GDF6: variants seen among roughly 807,000 people sequenced by gnomAD.
The protein encoded by GDF6 is growth/differentiation factor 6.
A neutral mutation model predicts 32.4 loss-of-function variants in GDF6; 3 were observed. That is an observed-to-expected ratio of 0.09 (90% CI 0.04 to 0.24). The LOEUF is 0.24. GDF6 is among the 10% of genes least tolerant of loss of function. The pLI is 1.00. For missense variants in GDF6, 589 were observed against 637.9 expected (o/e 0.92, Z 0.83); for synonymous variants, 296 against 295.3 (o/e 1.00, Z -0.03).
Position 96,160,747 on chromosome 8 carries a change from C to T in GDF6, c.-55G>A. On this transcript the variant is annotated 5_prime_UTR_variant, in exon 1 of 2. Transcript: ENST00000287020. The stretch of plus-strand genomic sequence containing the variant: ...GGCGGTGGCGGCGGCGCAGGACGCG[C>T]GGGGCACGGAGCGGCTGGACAGCGG... 1 of 1,585,180 alleles carries T rather than the reference C, an allele frequency of 6.3e-7. No individual in the cohort carries two copies. The highest frequency in any genetic ancestry group is 8.6e-7 in the Non-Finnish European group (1 of 1,158,734).
In GDF6 at chr8:96,142,637, G is replaced by A. The variant is rs1045336893; in HGVS notation, c.*1926C>T. 8 of 152,566 alleles carry A rather than the reference G, an allele frequency of 5.2e-5. No individual in the cohort carries two copies. Among genetic ancestry groups the A allele is most frequent in the African/African-American group, 1.7e-4 (7 of 41,426 alleles). 9.5% of individuals were successfully genotyped at this position (152,566 alleles called of 1,614,324 possible). A position where few individuals can be genotyped will look rare whatever the true frequency, so the allele number is the denominator to read the frequency against. ...ATTATAACATTTGAGTGCATATAAC[G>A]TTTTGTACATTAGGATGAATTGCAT... On this transcript the variant is annotated 3_prime_UTR_variant, in exon 2 of 2. Coordinates refer to ENST00000287020, the MANE Select transcript of GDF6 (RefSeq NM_001001557.4).
chr8:96,147,047 C>T (rs1812497287), intron 1 of GDF6, among the ~76,000 whole-genome samples: 1 of 152,190 alleles, frequency 6.6e-6, no homozygotes, highest in Non-Finnish European at 1.5e-5. Flanking sequence ...AGCCCCCAGC[C>T]TTCCCCAGAA....
intron 1 of GDF6, among the ~76,000 whole-genome samples, chr8:96,154,301 C>T (rs1193145220): frequency 6.6e-6 from 1 of 152,122 alleles, no homozygotes; most frequent in Non-Finnish European, 1.5e-5. Context: ...GAACGTTGTC[C>T]AGCGCCGCCC....
rs781155701 is a variant in GDF6 at position 96,145,122 on chromosome 8, C to T, written c.809G>A (p.Arg270Gln). The T allele has an allele frequency of 6.6e-6, 10 of 1,519,528 alleles. No homozygotes were observed. In the East Asian group the frequency reaches 1.5e-4, roughly 24 times the overall value. The allele number at this position is 1,519,528 out of a possible 1,614,324, so 94.1% of individuals were successfully genotyped here. A position where few individuals can be genotyped will look rare whatever the true frequency, so the allele number is the denominator to read the frequency against. ...CAGCAGGGCCCGCTCCTGGGGAGGCCGCACCCTCCGGCCGAAGCCCAGACT... is the reference window on the plus strand; with the variant it reads ...CAGCAGGGCCCGCTCCTGGGGAGGCTGCACCCTCCGGCCGAAGCCCAGACT... ...LRSLGFGRRV[R>Q]PPQERALLVV... is the part of the protein sequence containing the mutation. The change falls in exon 2 of 2, where the codon CGG (arginine) becomes CAG (glutamine). Residue 270 changes from arginine (R) to glutamine (Q), a missense_variant. Physicochemically the swap from Arg to Gln is conservative, Grantham distance 43. This residue lies in a region of GDF6 where 436 missense variants were observed against 411.2 expected (regional missense o/e 1.06). Coordinates refer to ENST00000287020, the MANE Select transcript of GDF6 (RefSeq NM_001001557.4). The surrounding 1 kb of genome is among the most constrained non-coding windows in gnomAD (Gnocchi z 5.6).
At chr8:96,155,226 C>G (rs1387405663) in intron 1 of GDF6, among the ~76,000 whole-genome samples, 1 of 152,272 alleles carries the variant, frequency 6.6e-6, no homozygotes, top group African/African-American at 2.4e-5. Context: ...GATTAGCCTC[C>G]TTTGCCAAGG....
rs79663184 is a variant in GDF6, at chr8:96,154,970, T to C, written c.406+5317A>G. ...TCCCCGCGGGTCCAGGTGACACGCA[T>C]CCTCTCCGGTCGGAAAGAGGAGCTT... On this transcript the variant is annotated intron_variant, in intron 1 of 1. Coordinates refer to ENST00000287020, the MANE Select transcript of GDF6 (RefSeq NM_001001557.4). Among the ~76,000 whole-genome samples, 1,479 of 152,238 alleles carry C rather than the reference T, an allele frequency of 9.7e-3. 16 individuals carry two copies. Among genetic ancestry groups the C allele is most frequent in the African/African-American group, 0.032 (1,340 of 41,530 alleles).
intron 1 of GDF6, among the ~76,000 whole-genome samples, chr8:96,154,345 C>T (rs1422342361): frequency 1.3e-5 from 2 of 152,228 alleles, no homozygotes; most frequent in African/African-American, 2.4e-5. Flanking sequence ...TGCAGCCCCT[C>T]ACCCCAAGTG....
intron 1 of GDF6, among the ~76,000 whole-genome samples, chr8:96,153,508 G>A (rs1812606021): frequency 6.6e-6 from 1 of 152,200 alleles, no homozygotes; most frequent in Non-Finnish European, 1.5e-5. Flanking sequence ...GACCTGGGGG[G>A]TTGGCTAGGG....
chr8:96,157,365 T>C (rs1044881864), intron 1 of GDF6, among the ~76,000 whole-genome samples: 4 of 152,168 alleles, frequency 2.6e-5, no homozygotes, highest in Non-Finnish European at 4.4e-5. Context: ...CTCTCAACCA[T>C]AGGCTTCAGG....
intron 1 of GDF6, among the ~76,000 whole-genome samples, chr8:96,149,958 G>A (rs1223405057): frequency 1.3e-5 from 2 of 152,198 alleles, no homozygotes; most frequent in Admixed American, 6.5e-5. Context: ...CAGCCCCAGA[G>A]CCTTCTGCTG....
chr8:96,152,582 G>A (rs1260719625), intron 1 of GDF6, among the ~76,000 whole-genome samples: 7 of 152,310 alleles, frequency 4.6e-5, no homozygotes, highest in Admixed American at 3.9e-4. Flanking sequence ...TGCAATGGAG[G>A]GCCCCTTGGG....
Position 96,144,635 on chromosome 8 carries a change from G to A in GDF6, c.1296C>T (p.Tyr432=), listed in dbSNP as rs924084601. Residue 432 remains tyrosine, a synonymous_variant, in exon 2 of 2, where the codon TAC becomes TAT. Transcript: ENST00000287020. This position sits in a 1 kb window ranked among gnomAD's most constrained non-coding sequence, Gnocchi z 5.1. ...PTKLTPISIL[Y]IDAGNNVVYK... ...AGACCACATTATTGCCCGCGTCGAT[G>A]TATAGAATGCTGATGGGAGTCAATT... The A allele has an allele frequency of 2.5e-6, 4 of 1,614,026 alleles. No homozygotes were observed. The Admixed American group carries it at 5.0e-5, about 20-fold the overall frequency.
chr8:96,148,669 A>AG (rs1054365407), intron 1 of GDF6, among the ~76,000 whole-genome samples: 1 of 152,176 alleles, frequency 6.6e-6, no homozygotes, highest in African/African-American at 2.4e-5. Context: ...ACCACTGAGT[A>AG]GGGGGGAGCA....
Position 96,144,242 on chromosome 8 carries a change from A to AAGAG in GDF6, c.*320_*321insCTCT, listed in dbSNP as rs886063199. On this transcript the variant is annotated 3_prime_UTR_variant, in exon 2 of 2. Transcript: ENST00000287020. This position sits in a 1 kb window ranked among gnomAD's most constrained non-coding sequence, Gnocchi z 5.1. ...ACATAAGGAAATCCAAAGCCACAGT[A>AAGAG]ATAGAGAGAGAGAGAGAGAGAGAGA... 7.1e-3 allele frequency: 1,350 copies of AAGAG among 189,942 alleles called. 37 individuals carry two copies. Among genetic ancestry groups the AAGAG allele is most frequent in the African/African-American group, 0.069 (1,202 of 17,394 alleles). The allele number at this position is 189,942 out of a possible 1,614,324, so 11.8% of individuals were successfully genotyped here.
chr8:96,143,756 T>C lies in GDF6; in HGVS notation c.*807A>G, dbSNP rs1427203422. ...ATTTGGACTAATTCTTGTCATTCCATCCATACCAGCTCCCCTTGCCCCCAC... is the reference window on the plus strand; with the variant it reads ...ATTTGGACTAATTCTTGTCATTCCACCCATACCAGCTCCCCTTGCCCCCAC... On this transcript the variant is annotated 3_prime_UTR_variant, in exon 2 of 2. Coordinates refer to ENST00000287020, the MANE Select transcript of GDF6 (RefSeq NM_001001557.4). 6.5e-6 allele frequency: 1 copy of C among 152,820 alleles called. No individual in the cohort carries two copies. Among genetic ancestry groups the C allele is most frequent in the East Asian group, 1.9e-4 (1 of 5,182 alleles). 9.5% of individuals were successfully genotyped at this position (152,820 alleles called of 1,614,324 possible).
rs765908995 is a variant in GDF6, at chr8:96,145,375, C to G, written c.556G>C (p.Val186Leu). 14 of 1,567,768 alleles carry G rather than the reference C, an allele frequency of 8.9e-6. No homozygotes were observed. Among genetic ancestry groups the G allele is most frequent in the Middle Eastern group, 1.7e-4 (1 of 5,822 alleles). Residue 186 changes from valine (V) to leucine (L), a missense_variant, in exon 2 of 2, where the codon GTG (valine) becomes CTG (leucine). Transcript: ENST00000287020. The surrounding 1 kb of genome is among the most constrained non-coding windows in gnomAD (Gnocchi z 5.6). ...GGCGAAAGGCAAGGGAAGAGCTGCA[C>G]GTGGAGCGGCCCGGCTGGTGGCCCC... The part of the protein sequence containing the change: ...PWGPPAGPLH[V>L]QLFPCLSPLL...
At chr8:96,148,807 TCAGC>T (rs1812523673) in intron 1 of GDF6, among the ~76,000 whole-genome samples, 1 of 152,322 alleles carries the variant, frequency 6.6e-6, no homozygotes, top group African/African-American at 2.4e-5. Flanking sequence ...TTTTATCCTT[TCAGC>T]CACAAGTTCT....
Position 96,151,420 on chromosome 8 carries a change from A to G in GDF6, c.407-5896T>C, listed in dbSNP as rs553303807. The stretch of plus-strand genomic sequence containing the variant: ...TAAACTAAAAGAGACAGCTTGAGTA[A>G]CTGGCTCAAGATACTAAGTAGTAGA... On this transcript the variant is annotated intron_variant, in intron 1 of 1. Transcript: ENST00000287020. 3.3e-5 allele frequency among the ~76,000 whole-genome samples: 5 copies of G among 152,338 alleles called. No homozygotes were observed. The East Asian group carries it at 9.6e-4, about 29-fold the overall frequency.
chr8:96,149,007 T>C (rs1812527011), intron 1 of GDF6, among the ~76,000 whole-genome samples: 1 of 152,330 alleles, frequency 6.6e-6, no homozygotes, highest in East Asian at 1.9e-4. Flanking sequence ...TGAAGACACT[T>C]TGCCTGCTGC....
Sources: allele counts gnomAD v4.1 joint callset (sites outside exome capture counted in the v4.1 genomes callset), GRCh38; gene constraint gnomAD v4.1.1; regional missense constraint gnomAD v4.1.1; non-coding constraint Gnocchi (gnomAD v3.1); transcripts MANE v1.5; gene names NCBI Gene and HGNC (gene_info 2026-07-23, HGNC 2026-07-21).